CPPED1: variants seen among roughly 807,000 people sequenced by gnomAD.
The protein encoded by CPPED1 is calcineurin like phosphoesterase domain containing 1.
A neutral mutation model predicts 28.0 loss-of-function variants in CPPED1; 28 were observed. The ratio of observed to expected loss-of-function variants is 1.00; its 90% confidence interval spans 0.74 to 1.37. The LOEUF (loss-of-function observed/expected upper bound fraction) is 1.37. CPPED1 is among the 40% of genes most tolerant of loss of function. The pLI is 0.00. For missense variants in CPPED1, 504 were observed against 416.5 expected (o/e 1.21, Z -1.83); for synonymous variants, 198 against 180.2 (o/e 1.10, Z -0.79).
At chr16:12,747,388 C>G (rs1452349136) in intron 2 of CPPED1, among the ~76,000 whole-genome samples, 2 of 151,714 alleles carry the variant, frequency 1.3e-5, no homozygotes, top group East Asian at 3.9e-4. Flanking sequence ...GCCATGATTG[C>G]ACCACTGCAT....
chr16:12,776,646 C>T (rs34510640), intron 2 of CPPED1, among the ~76,000 whole-genome samples: 31,513 of 152,098 alleles, frequency 0.21, 3,970 homozygotes, highest in East Asian at 0.3. Context: ...TTCAGCTGGG[C>T]GTGGTGGCTC....
chr16:12,801,313 G>C (rs778068489), intron 1 of CPPED1, among the ~76,000 whole-genome samples: 16 of 152,106 alleles, frequency 1.1e-4, no homozygotes, highest in African/African-American at 3.9e-4. Flanking sequence ...TGCTGGTCTC[G>C]AACTCCTGAC....
chr16:12,731,873 C>A, intron 2 of CPPED1, among the ~76,000 whole-genome samples: 1 of 151,428 alleles, frequency 6.6e-6, no homozygotes. Context: ...AAAAAAAAAC[C>A]ATTAGCAGGC....
intron 1 of CPPED1, among the ~76,000 whole-genome samples, chr16:12,789,971 G>C (rs1005067963): frequency 6.6e-6 from 1 of 152,134 alleles, no homozygotes; most frequent in Non-Finnish European, 1.5e-5. Flanking sequence ...ACTTATAAAA[G>C]ACTGTCACAG....
intron 2 of CPPED1, among the ~76,000 whole-genome samples, chr16:12,768,789 A>T (rs1240941049): frequency 4.0e-5 from 6 of 151,532 alleles, no homozygotes; most frequent in Non-Finnish European, 5.9e-5. Context: ...GATCACATGG[A>T]TTTTTTTTCC....
At chr16:12,797,774 A>C (rs1214561514) in intron 1 of CPPED1, among the ~76,000 whole-genome samples, 1 of 152,050 alleles carries the variant, frequency 6.6e-6, no homozygotes, top group Non-Finnish European at 1.5e-5. Flanking sequence ...GGACACATTC[A>C]AAGCCATCCT....
intron 2 of CPPED1, among the ~76,000 whole-genome samples, chr16:12,715,146 T>C (rs2141193878): frequency 6.6e-6 from 1 of 152,328 alleles, no homozygotes; most frequent in Middle Eastern, 3.4e-3. Flanking sequence ...AATCCATTAA[T>C]CTCTATGTTT....
chr16:12,740,084 AAAGGAAAGG>A (rs1186527572), intron 2 of CPPED1, among the ~76,000 whole-genome samples: 2,948 of 151,068 alleles, frequency 0.02, 47 homozygotes, highest in Middle Eastern at 0.031. Flanking sequence ...GAAAGGAAAG[AAAGGAAAGG>A]AAGGAAAGGA....
At chr16:12,687,651 A>C (rs2079940302) in intron 3 of CPPED1, among the ~76,000 whole-genome samples, 1 of 152,158 alleles carries the variant, frequency 6.6e-6, no homozygotes, top group South Asian at 2.1e-4. Flanking sequence ...AGCACCTATA[A>C]TCCCAGCTAC....
At chr16:12,714,213 T>C (rs1341400088) in intron 2 of CPPED1, among the ~76,000 whole-genome samples, 1 of 152,252 alleles carries the variant, frequency 6.6e-6, no homozygotes, top group African/African-American at 2.4e-5. Flanking sequence ...TTCTACTTTC[T>C]GGCTATTATG....
At chr16:12,697,405 G>C (rs1031025675) in intron 3 of CPPED1, among the ~76,000 whole-genome samples, 2 of 151,600 alleles carry the variant, frequency 1.3e-5, no homozygotes, top group African/African-American at 2.4e-5. Context: ...GTCTTCAGGG[G>C]AACATGTGCC....
intron 2 of CPPED1, among the ~76,000 whole-genome samples, chr16:12,713,477 T>C (rs1414019276): frequency 2.0e-5 from 3 of 151,988 alleles, no homozygotes; most frequent in African/African-American, 7.3e-5. Flanking sequence ...GCGATTCTCC[T>C]GCCTCAACCT....
At chr16:12,743,250 C>G (rs1470173231) in intron 2 of CPPED1, among the ~76,000 whole-genome samples, 1 of 151,836 alleles carries the variant, frequency 6.6e-6, no homozygotes. Context: ...AAAGACTATT[C>G]AAAAAATGGA....
At chr16:12,723,391 G>A (rs190035840) in intron 2 of CPPED1, among the ~76,000 whole-genome samples, 18 of 152,218 alleles carry the variant, frequency 1.2e-4, no homozygotes, top group Non-Finnish European at 1.0e-4. Context: ...AACTGGACAC[G>A]GGGTCTCCAA....
Position 12,735,898 on chromosome 16 carries a change from G to C in CPPED1, c.290-30849C>G, listed in dbSNP as rs548562442. ...AGAGGCCTGCATCCCCAGTGCCCCA[G>C]TAAGGAAAGAAAGTTATATTTAAAC... On this transcript the variant is annotated intron_variant, in intron 2 of 3. Transcript: ENST00000381774. 4.6e-5 allele frequency among the ~76,000 whole-genome samples: 7 copies of C among 152,324 alleles called. No individual in the cohort carries two copies. The South Asian group carries it at 1.2e-3, about 27-fold the overall frequency.
chr16:12,762,224 TCTCA>T, intron 2 of CPPED1, among the ~76,000 whole-genome samples: 2 of 152,314 alleles, frequency 1.3e-5, no homozygotes, highest in East Asian at 3.9e-4. Context: ...AAAAATACTC[TCTCA>T]TTTATTTTTA....
intron 3 of CPPED1, among the ~76,000 whole-genome samples, chr16:12,697,433 C>T (rs2079997701): frequency 6.6e-6 from 1 of 152,180 alleles, no homozygotes; most frequent in East Asian, 1.9e-4. Flanking sequence ...GGCACGCCCT[C>T]CACTGAAGAC....
At chr16:12,770,930 CA>C (rs1370588237) in intron 2 of CPPED1, among the ~76,000 whole-genome samples, 1 of 151,888 alleles carries the variant, frequency 6.6e-6, no homozygotes, top group Non-Finnish European at 1.5e-5. Flanking sequence ...AGCATGCTGA[CA>C]TTGATGCACA....
intron 3 of CPPED1, among the ~76,000 whole-genome samples, chr16:12,671,143 G>A (rs1017138008): frequency 1.3e-5 from 2 of 152,062 alleles, no homozygotes; most frequent in Non-Finnish European, 2.9e-5. Flanking sequence ...GAGCCATCGC[G>A]TCTGGCTGTA....
Sources: gnomAD v4.1 joint callset for allele counts (sites outside exome capture counted in the v4.1 genomes callset) on GRCh38, gnomAD v4.1.1 for gene constraint, MANE v1.5 for transcripts, NCBI Gene and HGNC (gene_info 2026-07-23, HGNC 2026-07-21) for gene names.